Variants in OPCML observed in about 807,000 individuals in gnomAD.
OPCML encodes opioid binding protein/cell adhesion molecule like.
Under a neutral mutation model 37.8 loss-of-function variants are expected in OPCML, and 13 were observed. The observed-to-expected ratio is 0.34, with a 90% confidence interval of 0.22 to 0.55. OPCML has a LOEUF of 0.55. Among genes scored for constraint, OPCML ranks in the 20% least tolerant of loss-of-function variants. OPCML has a pLI of 0.91. For synonymous variants in OPCML, 176 were observed against 168.8 expected (o/e 1.04, Z -0.33); for missense variants, 341 against 435.6 (o/e 0.78, Z 1.93).
intron 1 of OPCML, among the ~76,000 whole-genome samples, chr11:132,996,136 G>A (rs1365790737): frequency 1.3e-5 from 2 of 152,134 alleles, no homozygotes; most frequent in African/African-American, 4.8e-5. Flanking sequence ...ACAGACTTTA[G>A]CATATTTTTC....
At chr11:133,527,370 A>G (rs566593588) in intron 1 of OPCML, among the ~76,000 whole-genome samples, 1 of 152,358 alleles carries the variant, frequency 6.6e-6, no homozygotes, top group Admixed American at 6.5e-5. Flanking sequence ...AAGAAGAAAA[A>G]GCTTAACAAT....
At chr11:132,647,403 C>T (rs1941208321) in intron 3 of OPCML, among the ~76,000 whole-genome samples, 1 of 152,108 alleles carries the variant, frequency 6.6e-6, no homozygotes, top group Admixed American at 6.5e-5. Flanking sequence ...GTAATGACCC[C>T]CACACAGTTG....
chr11:132,781,638 T>C (rs1290115669), intron 2 of OPCML, among the ~76,000 whole-genome samples: 2 of 150,246 alleles, frequency 1.3e-5, no homozygotes, highest in East Asian at 3.9e-4. Context: ...TTTTTTTTGG[T>C]CTGGAAAACT....
At chr11:133,204,876 A>ATATATATATATATATATGTGTGTG (rs1565502191) in intron 1 of OPCML, among the ~76,000 whole-genome samples, 4 of 30,042 alleles carry the variant, frequency 1.3e-4, no homozygotes, top group Admixed American at 9.4e-4. Context: ...GTGTATATAT[A>ATATATATATATATATATGTGTGTG]TATATATATA....
At chr11:133,159,615 C>G (rs975652927) in intron 1 of OPCML, among the ~76,000 whole-genome samples, 1 of 152,260 alleles carries the variant, frequency 6.6e-6, no homozygotes, top group Non-Finnish European at 1.5e-5. Context: ...CATTCAAGAG[C>G]GAAGTAATAA....
At chr11:133,209,436 A>G (rs1157049082) in intron 1 of OPCML, among the ~76,000 whole-genome samples, 1 of 152,244 alleles carries the variant, frequency 6.6e-6, no homozygotes, top group African/African-American at 2.4e-5. Flanking sequence ...TAGAAATGCA[A>G]GTGTGTAGAT....
intron 1 of OPCML, among the ~76,000 whole-genome samples, chr11:133,417,089 T>A (rs775224979): frequency 6.6e-6 from 1 of 152,176 alleles, no homozygotes; most frequent in Non-Finnish European, 1.5e-5. Context: ...CCACCCCACA[T>A]CTTGCTCTAT....
intron 2 of OPCML, among the ~76,000 whole-genome samples, chr11:132,775,595 C>A (rs529635980): frequency 1.3e-5 from 2 of 152,288 alleles, no homozygotes; most frequent in South Asian, 4.1e-4. Flanking sequence ...CTGTCGATTG[C>A]CACTGTGGAG....
intron 1 of OPCML, among the ~76,000 whole-genome samples, chr11:133,237,109 C>T (rs756602439): frequency 2.0e-5 from 3 of 152,190 alleles, no homozygotes; most frequent in African/African-American, 7.2e-5. Flanking sequence ...TTAAGAAGTG[C>T]TAACCAAAAA....
chr11:132,575,151 C>T (rs1257660342), intron 3 of OPCML, among the ~76,000 whole-genome samples: 1 of 151,908 alleles, frequency 6.6e-6, no homozygotes, highest in Admixed American at 6.6e-5. Flanking sequence ...GCCCTTAAAT[C>T]TCAAATGATT....
chr11:133,223,456 T>G (rs1939917134), intron 1 of OPCML, among the ~76,000 whole-genome samples: 1 of 152,168 alleles, frequency 6.6e-6, no homozygotes, highest in South Asian at 2.1e-4. Context: ...AAGCCTCTAA[T>G]CCTTTCCTCT....
chr11:132,440,334 GTT>G (rs531730416), intron 4 of OPCML, among the ~76,000 whole-genome samples: 2 of 146,334 alleles, frequency 1.4e-5, no homozygotes, highest in African/African-American at 2.5e-5. Context: ...ATTCTTTAGA[GTT>G]TTTTTTTTTT....
intron 2 of OPCML, among the ~76,000 whole-genome samples, chr11:132,756,769 T>A (rs1226810352): frequency 1.3e-5 from 2 of 152,058 alleles, no homozygotes; most frequent in Non-Finnish European, 2.9e-5. Context: ...CTGTTCAAGG[T>A]CTTCTTTTTT....
At chr11:132,751,740 A>T (rs1314450384) in intron 2 of OPCML, among the ~76,000 whole-genome samples, 1 of 152,194 alleles carries the variant, frequency 6.6e-6, no homozygotes, top group Non-Finnish European at 1.5e-5. Flanking sequence ...CCAAAGCCCT[A>T]TGCTCATAAT....
At chr11:132,995,916 T>C (rs1010061866) in intron 1 of OPCML, among the ~76,000 whole-genome samples, 3 of 152,190 alleles carry the variant, frequency 2.0e-5, no homozygotes, top group Non-Finnish European at 4.4e-5. Flanking sequence ...ACACACAGGC[T>C]CTTGGAATCA....
At chr11:133,483,716 ATAG>A (rs1565659590) in intron 1 of OPCML, among the ~76,000 whole-genome samples, 1 of 149,846 alleles carries the variant, frequency 6.7e-6, no homozygotes, top group African/African-American at 2.5e-5. Flanking sequence ...AGATAGATAG[ATAG>A]ATAAAATAGG....
At chr11:133,220,904 C>T (rs958191088) in intron 1 of OPCML, among the ~76,000 whole-genome samples, 10 of 152,132 alleles carry the variant, frequency 6.6e-5, no homozygotes, top group Admixed American at 3.3e-4. Flanking sequence ...ATGGAAGATC[C>T]CCAGGCCTCA....
chr11:132,746,751 T>C (rs1945648724), intron 2 of OPCML, among the ~76,000 whole-genome samples: 1 of 152,160 alleles, frequency 6.6e-6, no homozygotes. Flanking sequence ...TTTTTGTCAT[T>C]TTTGACTCCC....
At chr11:133,069,396 T>C (rs1207553556) in intron 1 of OPCML, among the ~76,000 whole-genome samples, 1 of 152,220 alleles carries the variant, frequency 6.6e-6, no homozygotes, top group East Asian at 1.9e-4. Flanking sequence ...CATCTCAGAA[T>C]TGCTTGGAAG....
Sources: gnomAD v4.1 joint callset for allele counts (sites outside exome capture counted in the v4.1 genomes callset) on GRCh38, gnomAD v4.1.1 for gene constraint, MANE v1.5 for transcripts, NCBI Gene and HGNC (gene_info 2026-07-23, HGNC 2026-07-21) for gene names.